The following CD47 variants were observed in gnomAD, a reference collection of about 807,000 sequenced individuals.
CD47 encodes the protein CD47 molecule.
Under a neutral mutation model 44.6 loss-of-function variants are expected in CD47, and 11 were observed. That is an observed-to-expected ratio of 0.25 (90% CI 0.16 to 0.41). The LOEUF is 0.41. Among genes scored for constraint, CD47 ranks in the 10% least tolerant of loss-of-function variants. The pLI is 1.00. For missense variants in CD47, 306 were observed against 386.7 expected, an observed-to-expected ratio of 0.79 and a Z score of 1.75; for synonymous variants, 140 against 136.3, an observed-to-expected ratio of 1.03 and a Z score of -0.19.
chr3:108,059,391 A>C (rs2078973374), intron 5 of CD47, 61 bp downstream of exon 5: 2 of 797,672 alleles, frequency 2.5e-6, no homozygotes, highest in South Asian at 4.2e-5. Flanking sequence ...ATTTTCACCA[A>C]AACTGCTGTT....
At chr3:108,054,610 G>C (rs989373312) in intron 7 of CD47, 1 of 152,092 alleles carries the variant, frequency 6.6e-6, no homozygotes, top group Non-Finnish European at 1.5e-5. Context: ...AATGCTTCTT[G>C]ATTTGTTCTT....
chr3:108,075,172 TG>T (rs1397191436), intron 2 of CD47, among the ~76,000 whole-genome samples: 1 of 152,218 alleles, frequency 6.6e-6, no homozygotes, highest in Non-Finnish European at 1.5e-5. Flanking sequence ...GGCTGACAAC[TG>T]TGTCTATCAC....
chr3:108,066,251 G>GA (rs960117768), intron 3 of CD47, among the ~76,000 whole-genome samples: 17 of 145,828 alleles, frequency 1.2e-4, no homozygotes, highest in South Asian at 8.6e-4. Context: ...GGGGAAAGTT[G>GA]AAAAAAAAAA....
chr3:108,079,442 A>G lies in CD47; in HGVS notation c.400+549T>C, dbSNP rs78535926. ...TGGCCAACAAAAAGAAGACCAAAGT[A>G]AGGCTAAGCACAGAAAATCTGAAGA... is the stretch of plus-strand genomic sequence containing the variant. On this transcript the variant is annotated intron_variant, in intron 2 of 10. Transcript: ENST00000361309. 6.2e-3 allele frequency among the ~76,000 whole-genome samples: 948 copies of G among 151,902 alleles called. 10 individuals carry two copies. Among genetic ancestry groups the G allele is most frequent in the African/African-American group, 0.022 (912 of 41,484 alleles).
chr3:108,085,344 A>G (rs1467505927), intron 1 of CD47, among the ~76,000 whole-genome samples: 1 of 152,132 alleles, frequency 6.6e-6, no homozygotes, highest in Admixed American at 6.5e-5. Flanking sequence ...GTATAACCTT[A>G]GGCAAGTTAC....
At position 108,058,361 on chromosome 3, in the gene CD47, C is replaced by T; in HGVS notation, c.760G>A (p.Val254Ile). 1 of 1,563,746 alleles carries T rather than the reference C, an allele frequency of 6.4e-7. No homozygotes were observed. Among genetic ancestry groups the T allele is most frequent in the Admixed American group, 1.9e-5 (1 of 52,054 alleles). Reference sequence around the variant, plus strand: ...CCCGCAATACAGAGACTCAGTCCAACCACAGCGAGGATATAGGCTATCACC... The same window carrying T: ...CCCGCAATACAGAGACTCAGTCCAATCACAGCGAGGATATAGGCTATCACC... ...IQVIAYILAV[V>I]GLSLCIAACI... The change falls in exon 6 of 11, where the codon GTT becomes ATT. Residue 254 changes from valine to isoleucine, a missense_variant. By Grantham distance (29) the Val-to-Ile change is conservative. This residue lies in a region of CD47 where 131 missense variants were observed against 135.3 expected (regional missense o/e 0.97). Transcript: ENST00000361309.
Position 108,080,280 on chromosome 3 carries a change from G to C in CD47, c.111C>G (p.Val37=). The part of the protein sequence containing the change: ...SVEFTFCNDT[V]VIPCFVTNME... ...TATTAGTAACAAAGCATGGAATGAC[G>C]ACAGTGTCATTACAAAACGTGAATT... The change falls in exon 2 of 11, where the codon GTC becomes GTG. Residue 37 remains valine, a synonymous_variant. Transcript: ENST00000361309. 1 of 1,611,330 alleles carries C rather than the reference G, an allele frequency of 6.2e-7. No homozygotes were observed. The highest frequency in any genetic ancestry group is 8.5e-7 in the Non-Finnish European group (1 of 1,177,904).
At chr3:108,054,559 T>G (rs1261585125) in intron 7 of CD47, 1 of 152,212 alleles carries the variant, frequency 6.6e-6, no homozygotes, top group Non-Finnish European at 1.5e-5. Flanking sequence ...ATATATATTT[T>G]TTAACCACAA....
Position 108,079,992 on chromosome 3 carries a change from A to G in CD47, c.399T>C (p.Val133=). ...GETIIELKYR[V]VSWFSPNENI... is the part of the protein sequence containing the mutation. Reference sequence around the variant, plus strand: ...AAGAAGCTTTCATAGAAGTCTTACCAACACGATATTTTAGCTCGATGATCG... The same window carrying G: ...AAGAAGCTTTCATAGAAGTCTTACCGACACGATATTTTAGCTCGATGATCG... Residue 133 remains valine (V), a splice_region_variant and synonymous_variant, in exon 2 of 11, where the codon GTT becomes GTC. Transcript: ENST00000361309. 6.2e-7 allele frequency: 1 copy of G among 1,600,102 alleles called. No homozygotes were observed. The highest frequency in any genetic ancestry group is 2.2e-5 in the East Asian group (1 of 44,748).
At position 108,044,415 on chromosome 3, in the gene CD47, C is replaced by CAAAAAAAAAAAAAA. The variant is rs55777019; in HGVS notation, c.*2859_*2872dup. ...GGTTTTTAGAGCATGTGAAATTAGT[C>CAAAAAAAAAAAAAA]AAAAAAAAAAAAAAAAAAAAAAAAA... On this transcript the variant is annotated 3_prime_UTR_variant, in exon 11 of 11. Coordinates refer to ENST00000361309, the MANE Select transcript of CD47 (RefSeq NM_001777.4). 1.5e-4 allele frequency: 5 copies of CAAAAAAAAAAAAAA among 34,104 alleles called. No homozygotes were observed. The highest frequency in any genetic ancestry group is 3.1e-4 in the Non-Finnish European group (5 of 15,942). 2.1% of individuals were successfully genotyped at this position (34,104 alleles called of 1,614,324 possible).
intron 1 of CD47, 65 bp from the exon 2 acceptor site, chr3:108,080,409 G>T: frequency 1.3e-6 from 1 of 799,904 alleles, no homozygotes; most frequent in Non-Finnish European, 2.0e-6. Context: ...TCTTAGGCAT[G>T]TTACAAATCC....
At position 108,078,005 on chromosome 3, in the gene CD47, G is replaced by A. The variant is rs529353596; in HGVS notation, c.400+1986C>T. On this transcript the variant is annotated intron_variant, in intron 2 of 10. Coordinates refer to ENST00000361309, the MANE Select transcript of CD47 (RefSeq NM_001777.4). Reference sequence around the variant, plus strand: ...TGTAGGTAGTTACGCAAATAAACACGTGATAAAATGAGAGCGAACCATTAA... The same window carrying A: ...TGTAGGTAGTTACGCAAATAAACACATGATAAAATGAGAGCGAACCATTAA... Among the ~76,000 whole-genome samples, 14 of 152,102 alleles carry A rather than the reference G, an allele frequency of 9.2e-5. No homozygotes were observed. In the South Asian group the frequency reaches 2.7e-3, roughly 29 times the overall value.
At position 108,090,985 on chromosome 3, in the gene CD47, A is replaced by T; in HGVS notation, c.-77T>A. The T allele has an allele frequency of 1.9e-6, 2 of 1,066,980 alleles. No homozygotes were observed. The highest frequency in any genetic ancestry group is 2.5e-6 in the Non-Finnish European group (2 of 802,898). 66.1% of individuals were successfully genotyped at this position (1,066,980 alleles called of 1,614,324 possible). A position where few individuals can be genotyped will look rare whatever the true frequency, so the allele number is the denominator to read the frequency against. ...AGCCGCCGCCGCCGTTACAGGCAGG[A>T]CCGACCGCCGCCGCGCGTCACAGGC... On this transcript the variant is annotated 5_prime_UTR_variant, in exon 1 of 11. Coordinates refer to ENST00000361309, the MANE Select transcript of CD47 (RefSeq NM_001777.4).
rs1559963685 is a variant in CD47, at chr3:108,044,448, CAAAAAAAAAAAACAG to C, written c.*2825_*2839del. On this transcript the variant is annotated 3_prime_UTR_variant, in exon 11 of 11. Coordinates refer to ENST00000361309, the MANE Select transcript of CD47 (RefSeq NM_001777.4). ...AAAAAAAAAAAAAAAAAAAAAAAAA[CAAAAAAAAAAAACAG>C]AAAGAAAGAAAACTCTCAAGCTCAC... 3.3e-5 allele frequency: 2 copies of C among 60,248 alleles called. No individual in the cohort carries two copies. Among genetic ancestry groups the C allele is most frequent in the Non-Finnish European group, 7.1e-5 (2 of 28,126 alleles). 3.7% of individuals were successfully genotyped at this position (60,248 alleles called of 1,614,324 possible). A position where few individuals can be genotyped will look rare whatever the true frequency, so the allele number is the denominator to read the frequency against.
rs924186070 is a variant in CD47 at position 108,043,166 on chromosome 3, ATAAT to A, written c.*4118_*4121del. ...ATTGGGTATTATACTCAAAAAATTC[ATAAT>A]TAATATTTTAAATCATTCTTTACAT... On this transcript the variant is annotated 3_prime_UTR_variant, in exon 11 of 11. Coordinates refer to ENST00000361309, the MANE Select transcript of CD47 (RefSeq NM_001777.4). 3 of 152,648 alleles carry A rather than the reference ATAAT, an allele frequency of 2.0e-5. No homozygotes were observed. The highest frequency in any genetic ancestry group is 4.4e-5 in the Non-Finnish European group (3 of 68,040). The allele number at this position is 152,648 out of a possible 1,614,324, so 9.5% of individuals were successfully genotyped here. A position where few individuals can be genotyped will look rare whatever the true frequency, so the allele number is the denominator to read the frequency against.
At chr3:108,066,921 A>T (rs1166638163) in intron 3 of CD47, among the ~76,000 whole-genome samples, 1 of 152,194 alleles carries the variant, frequency 6.6e-6, no homozygotes, top group Admixed American at 6.5e-5. Flanking sequence ...AATAAACTTT[A>T]AACATTCAAA....
chr3:108,061,685 A>G (rs2108237822), intron 3 of CD47, among the ~76,000 whole-genome samples: 1 of 152,288 alleles, frequency 6.6e-6, no homozygotes, highest in South Asian at 2.1e-4. Flanking sequence ...TGAATCTTTT[A>G]AATTTTGGTT....
intron 3 of CD47, among the ~76,000 whole-genome samples, chr3:108,062,818 TC>T (rs1206674773): frequency 6.9e-6 from 1 of 145,732 alleles, no homozygotes; most frequent in Non-Finnish European, 1.5e-5. Flanking sequence ...ATTTTTGAAT[TC>T]TTTTTTTTTT....
At chr3:108,050,750 A>G (rs2078812329) in intron 8 of CD47, 148 bp from the exon 9 acceptor site, 1 of 485,326 alleles carries the variant, frequency 2.1e-6, no homozygotes, top group Admixed American at 3.6e-5. Context: ...ACAACGAAAT[A>G]AGCCTGTAAA....
Sources: allele counts gnomAD v4.1 joint callset (sites outside exome capture counted in the v4.1 genomes callset), GRCh38; gene constraint gnomAD v4.1.1; regional missense constraint gnomAD v4.1.1; transcripts MANE v1.5; gene names NCBI Gene and HGNC (gene_info 2026-07-23, HGNC 2026-07-21).